Variants in NOD1 observed in about 807,000 individuals in gnomAD.
NOD1 encodes nucleotide binding oligomerization domain containing 1.
A neutral mutation model predicts 81.2 loss-of-function variants in NOD1; 70 were observed. That is an observed-to-expected ratio of 0.86 (90% CI 0.71 to 1.05). NOD1 has a LOEUF of 1.05. Among genes scored for constraint, NOD1 ranks in the 50% least tolerant of loss-of-function variants. The pLI, the probability that NOD1 is intolerant of heterozygous loss-of-function variation, is 0.00. For synonymous variants in NOD1, 508 were observed against 526.9 expected (o/e 0.96, Z 0.49); for missense variants, 1,233 against 1,228.0 (o/e 1.00, Z -0.06).
At chr7:30,439,747 G>C (rs1356077557) in intron 9 of NOD1, among the ~76,000 whole-genome samples, 1 of 73,270 alleles carries the variant, frequency 1.4e-5, no homozygotes, top group African/African-American at 6.5e-5. Context: ...ACTGGGTGGA[G>C]CCCACCACAG....
At position 30,455,142 on chromosome 7, in the gene NOD1, T is replaced by A; in HGVS notation, c.371A>T (p.Asp124Val). Residue 124 changes from aspartate (D) to valine (V), a missense_variant, in exon 5 of 14, where the codon GAC becomes GTC. Physicochemically the swap from Asp to Val is radical, Grantham distance 152 (BLOSUM62 -3). Transcript: ENST00000222823. ...LTQSKVVVNT[D>V]PVSRYTQQLR... ...TTGCTGGGGCTGACTCCTACCTGGG[T>A]CAGTGTTGACCACGACTTTGCTCTG... is the stretch of plus-strand genomic sequence containing the variant. The A allele has an allele frequency of 6.2e-7, 1 of 1,613,660 alleles. No individual in the cohort carries two copies. The highest frequency in any genetic ancestry group is 8.5e-7 in the Non-Finnish European group (1 of 1,179,908).
Position 30,436,031 on chromosome 7 carries a change from GCC to G in NOD1, c.2586_2587del (p.Arg862SerfsTer17). 1.2e-6 allele frequency: 2 copies of G among 1,614,088 alleles called. No homozygotes were observed. Among genetic ancestry groups the G allele is most frequent in the Non-Finnish European group, 1.7e-6 (2 of 1,179,914 alleles). On this transcript the variant is annotated frameshift_variant, in exon 11 of 14. Transcript: ENST00000222823. LOFTEE classifies it high-confidence loss of function. ...TTCTAGAGACGTGTTCTGCTGCAGG[GCC>G]CTCGCAAGGCTCTTTCCTCCTTCTG...
At chr7:30,432,793 C>T (rs1439716415) in intron 12 of NOD1, among the ~76,000 whole-genome samples, 2 of 152,160 alleles carry the variant, frequency 1.3e-5, no homozygotes, top group African/African-American at 4.8e-5. Flanking sequence ...GACAAAAGGT[C>T]ACATATTGCT....
rs200936372 is a variant in NOD1, at chr7:30,452,825, T to C, written c.592A>G (p.Ile198Val). The C allele has an allele frequency of 3.1e-6, 5 of 1,613,994 alleles. No homozygotes were observed. The highest frequency in any genetic ancestry group is 2.7e-5 in the African/African-American group (2 of 74,934). The change falls in exon 6 of 14, where the codon ATC becomes GTC. Residue 198 changes from isoleucine to valine, a missense_variant. Ile to Val is a conservative substitution (Grantham distance 29). Coordinates refer to ENST00000222823, the MANE Select transcript of NOD1 (RefSeq NM_006092.4). ...TGILNEQGETIFILGDAGVGK... is the reference protein window; with the variant it reads ...TGILNEQGETVFILGDAGVGK... ...ACCCCAGCATCACCCAGGATGAAGA[T>C]GGTCTCACCCTGCTCATTGAGGATG...
At position 30,433,167 on chromosome 7, in the gene NOD1, A is replaced by G. The variant is rs867699329; in HGVS notation, c.2634T>C (p.Asn878=). 1 of 1,613,896 alleles carries G rather than the reference A, an allele frequency of 6.2e-7. No homozygotes were observed. The highest frequency in any genetic ancestry group is 1.1e-5 in the South Asian group (1 of 91,070). Residue 878 remains asparagine (N), a synonymous_variant, in exon 12 of 14, where the codon AAT becomes AAC. Coordinates refer to ENST00000222823, the MANE Select transcript of NOD1 (RefSeq NM_006092.4). ...TSLEILWLTQ[N]ELNDEVAESL... Reference sequence around the variant, plus strand: ...TCTCTGCCACTTCATCGTTGAGTTCATTTTGGGTCAGCCTAAGGAAAAAAA... The same window carrying G: ...TCTCTGCCACTTCATCGTTGAGTTCGTTTTGGGTCAGCCTAAGGAAAAAAA...
chr7:30,451,351 G>C lies in NOD1; in HGVS notation c.2066C>G (p.Ser689Trp). ...YLKLTYCNAC[S>W]ADCSALSFVL... ...GAAGGAGAGGGCGCTGCAGTCGGCCGAGCAGGCGTTGCAGTAGGTCAGCTT... is the reference window on the plus strand; with the variant it reads ...GAAGGAGAGGGCGCTGCAGTCGGCCCAGCAGGCGTTGCAGTAGGTCAGCTT... The change falls in exon 6 of 14, where the codon TCG becomes TGG. Residue 689 changes from serine (S) to tryptophan (W), a missense_variant. Coordinates refer to ENST00000222823, the MANE Select transcript of NOD1 (RefSeq NM_006092.4). This position sits in a 1 kb window ranked among gnomAD's most constrained non-coding sequence, Gnocchi z 4.2. 1.2e-6 allele frequency: 2 copies of C among 1,614,178 alleles called. No individual in the cohort carries two copies. The highest frequency in any genetic ancestry group is 1.7e-6 in the Non-Finnish European group (2 of 1,180,038).
intron 11 of NOD1, among the ~76,000 whole-genome samples, chr7:30,435,567 T>A (rs1784309280): frequency 6.6e-6 from 1 of 152,204 alleles, no homozygotes; most frequent in Non-Finnish European, 1.5e-5. Context: ...TCAACTTAAC[T>A]GAAAGGCCTA....
chr7:30,440,867 T>A (rs1220291052), intron 9 of NOD1, among the ~76,000 whole-genome samples: 2 of 25,786 alleles, frequency 7.8e-5, no homozygotes, highest in African/African-American at 2.2e-4. Context: ...AAAGTTCGGG[T>A]TACCCTCAAA....
intron 1 of NOD1, among the ~76,000 whole-genome samples, chr7:30,465,643 A>C (rs547225682): frequency 6.6e-6 from 1 of 151,538 alleles, no homozygotes; most frequent in East Asian, 2.0e-4. Flanking sequence ...AATTGTTGGG[A>C]ATCATTATTC....
intron 13 of NOD1, among the ~76,000 whole-genome samples, chr7:30,426,148 C>T (rs1179624562): frequency 6.6e-6 from 1 of 152,116 alleles, no homozygotes; most frequent in Non-Finnish European, 1.5e-5. Flanking sequence ...GAGATTTCCT[C>T]CAGGTTTGGG....
At chr7:30,439,094 G>A (rs570606293) in intron 9 of NOD1, among the ~76,000 whole-genome samples, 127 of 152,290 alleles carry the variant, frequency 8.3e-4, no homozygotes, top group Non-Finnish European at 1.5e-3. Flanking sequence ...GCAAGTGTTG[G>A]CAAGGATGTG....
intron 3 of NOD1, 27 bp from the exon 4 acceptor site, chr7:30,457,069 A>C (rs1786460234): frequency 1.5e-6 from 1 of 652,274 alleles, no homozygotes; most frequent in South Asian, 1.8e-5. Context: ...CATCATCAGC[A>C]AAGCAAAAGC....
chr7:30,460,699 A>G (rs1188437683), intron 1 of NOD1: 1 of 985,070 alleles, frequency 1.0e-6, no homozygotes, highest in Non-Finnish European at 1.2e-6. Context: ...AGGTGGGGGT[A>G]GAGCCTGTGG....
At position 30,445,353 on chromosome 7, in the gene NOD1, G is replaced by GCATTATT. The variant is rs1351462677; in HGVS notation, c.2453+781_2453+787dup. Among the ~76,000 whole-genome samples the GCATTATT allele has an allele frequency of 2.0e-5, 3 of 148,132 alleles. No homozygotes were observed. The East Asian group carries it at 6.1e-4, about 30-fold the overall frequency. On this transcript the variant is annotated intron_variant, in intron 9 of 13. Transcript: ENST00000222823. ...CATTTGTATGCCCATGTGCACAGCA[G>GCATTATT]CATTATTCACAACAGCCAAAGCATA...
rs397819564 is a variant in NOD1, at chr7:30,467,355, T to TA, written c.-351-7315dup. Among the ~76,000 whole-genome samples the TA allele has an allele frequency of 2.6e-4, 40 of 151,972 alleles. No homozygotes were observed. Among genetic ancestry groups the TA allele is most frequent in the Admixed American group, 1.0e-3 (16 of 15,262 alleles). On this transcript the variant is annotated intron_variant, in intron 1 of 13. Coordinates refer to ENST00000222823, the MANE Select transcript of NOD1 (RefSeq NM_006092.4). The surrounding 1 kb of genome is among the most constrained non-coding windows in gnomAD (Gnocchi z 4.5). ...CTTTTATTCGTAATGTTTTTTTTTT[T>TA]ATAAGAAGGCTATACACTTGCATGA...
At chr7:30,446,531 G>C in intron 8 of NOD1, 1 of 435,238 alleles carries the variant, frequency 2.3e-6, no homozygotes, top group South Asian at 2.6e-5. Flanking sequence ...AGACCTGGGA[G>C]GTCCCACTTT....
intron 3 of NOD1, among the ~76,000 whole-genome samples, chr7:30,457,589 T>C (rs1268312165): frequency 6.6e-6 from 1 of 152,198 alleles, no homozygotes; most frequent in Non-Finnish European, 1.5e-5. Context: ...TCTTTATTAT[T>C]ACTATAAAGC....
chr7:30,430,201 A>G (rs184148760), intron 12 of NOD1, among the ~76,000 whole-genome samples: 20 of 152,314 alleles, frequency 1.3e-4, no homozygotes, highest in African/African-American at 4.8e-4. Context: ...GCCATGAAAT[A>G]GTTCTCATGA....
rs535898712 is a variant in NOD1, at chr7:30,473,215, G to A, written c.-352+5391C>T. Among the ~76,000 whole-genome samples the A allele has an allele frequency of 9.8e-4, 150 of 152,310 alleles. 1 individual carries two copies. Among genetic ancestry groups the A allele is most frequent in the Non-Finnish European group, 1.6e-3 (111 of 68,018 alleles). ...TGGGCCCCCAAATTCCACTGACCCA[G>A]ACCTCAGGGAAGATTGCCAGAACTC... On this transcript the variant is annotated intron_variant, in intron 1 of 13. Transcript: ENST00000222823.
Sources: allele counts gnomAD v4.1 joint callset (sites outside exome capture counted in the v4.1 genomes callset), GRCh38; gene constraint gnomAD v4.1.1; non-coding constraint Gnocchi (gnomAD v3.1); transcripts MANE v1.5; gene names NCBI Gene and HGNC (gene_info 2026-07-23, HGNC 2026-07-21).